CFH: variants seen among roughly 807,000 people sequenced by gnomAD.
CFH encodes complement factor H.
A neutral mutation model predicts 147.3 loss-of-function variants in CFH; 53 were observed. The observed-to-expected ratio is 0.36, with a 90% CI of 0.29 to 0.45. CFH has a LOEUF of 0.45. Ranked by LOEUF, CFH falls within the 20% of genes least tolerant of loss-of-function variation. CFH has a pLI of 1.00. For synonymous variants in CFH, 536 were observed against 489.4 expected (o/e 1.10, Z -1.26); for missense variants, 1,380 against 1,498.0 (o/e 0.92, Z 1.30).
In CFH at chr1:196,736,902, A is replaced by C. The variant is rs1190694391; in HGVS notation, c.2492A>C (p.Asp831Ala). ...HNMTTTLNYR[D>A]GEKVSVLCQE... ...ATGACAACCACACTGAATTATCGGG[A>C]TGGAGAAAAAGTATCTGTTCTTTGC... Residue 831 changes from aspartate (D) to alanine (A), a missense_variant, in exon 16 of 22, where the codon GAT becomes GCT. By Grantham distance (126) the Asp-to-Ala change is moderately radical. Coordinates refer to ENST00000367429, the MANE Select transcript of CFH (RefSeq NM_000186.4). The C allele has an allele frequency of 6.2e-7, 1 of 1,610,322 alleles. No individual in the cohort carries two copies. The highest frequency in any genetic ancestry group is 8.5e-7 in the Non-Finnish European group (1 of 1,177,724).
At chr1:196,704,655 C>A (rs1297260672) in intron 9 of CFH, among the ~76,000 whole-genome samples, 1 of 152,156 alleles carries the variant, frequency 6.6e-6, no homozygotes, top group African/African-American at 2.4e-5. Flanking sequence ...AGTGGCGCTG[C>A]CAAATCTAAA....
chr1:196,688,178 A>G (rs1308452917), intron 7 of CFH, among the ~76,000 whole-genome samples: 3 of 152,012 alleles, frequency 2.0e-5, no homozygotes, highest in Non-Finnish European at 2.9e-5. Context: ...TTTGTTATTG[A>G]AAGTACTAGA....
Position 196,725,193 on chromosome 1 carries a change from G to A in CFH, c.1769G>A (p.Gly590Glu), listed in dbSNP as rs1363263922. 1.2e-6 allele frequency: 2 copies of A among 1,613,838 alleles called. No homozygotes were observed. Among genetic ancestry groups the A allele is most frequent in the South Asian group, 1.1e-5 (1 of 91,064 alleles). The change falls in exon 12 of 22, where the codon GGA becomes GAA. Residue 590 changes from glycine to glutamate, a missense_variant. Physicochemically the swap from Gly to Glu is moderately conservative, Grantham distance 98 (BLOSUM62 -2). Transcript: ENST00000367429. ...PDRKKDQYKV[G>E]EVLKFSCKPG... is the part of the protein sequence containing the mutation. Reference sequence around the variant, plus strand: ...CGCAAGAAAGACCAGTATAAAGTTGGAGAGGTGTTGAAATTCTCCTGCAAA... The same window carrying A: ...CGCAAGAAAGACCAGTATAAAGTTGAAGAGGTGTTGAAATTCTCCTGCAAA...
At chr1:196,686,182 A>G (rs1303386697) in intron 7 of CFH, among the ~76,000 whole-genome samples, 4 of 152,154 alleles carry the variant, frequency 2.6e-5, no homozygotes, top group African/African-American at 9.6e-5. Flanking sequence ...AACATTGGGA[A>G]TTACAATTCA....
At chr1:196,721,101 T>C (rs6682138) in intron 11 of CFH, among the ~76,000 whole-genome samples, 3,052 of 152,094 alleles carry the variant, frequency 0.02, 96 homozygotes, top group African/African-American at 0.069. Context: ...TCATGTCTTC[T>C]TTTGCAAAAT....
rs1667341617 is a variant in CFH, at chr1:196,673,159, T to C, written c.240T>C (p.Cys80=). 2.5e-6 allele frequency: 4 copies of C among 1,612,014 alleles called. No homozygotes were observed. Among genetic ancestry groups the C allele is most frequent in the Non-Finnish European group, 3.4e-6 (4 of 1,178,376 alleles). Residue 80 remains cysteine, a synonymous_variant, in exon 2 of 22, where the codon TGT becomes TGC. Transcript: ENST00000367429. Reference sequence around the variant, plus strand: ...TTGCTCTTAATCCATTAAGGAAATGTCAGAGTAAGTACTTAATACATTTGT... The same window carrying C: ...TTGCTCTTAATCCATTAAGGAAATGCCAGAGTAAGTACTTAATACATTTGT... ...EWVALNPLRK[C]QKRPCGHPGD...
chr1:196,737,853 C>G (rs1003390904), intron 17 of CFH, among the ~76,000 whole-genome samples, 193 bp downstream of exon 17: 1 of 152,078 alleles, frequency 6.6e-6, no homozygotes, highest in African/African-American at 2.4e-5. Context: ...GATAGAGTCA[C>G]TTTGTATTCT....
chr1:196,738,485 C>T (rs1262821849), intron 17 of CFH, among the ~76,000 whole-genome samples: 2 of 152,156 alleles, frequency 1.3e-5, no homozygotes. Context: ...TGGGTAAATG[C>T]TTCCATTCCA....
intron 9 of CFH, among the ~76,000 whole-genome samples, chr1:196,699,163 A>G (rs1456855173): frequency 6.6e-6 from 1 of 152,144 alleles, no homozygotes; most frequent in Non-Finnish European, 1.5e-5. Flanking sequence ...CATACATTGT[A>G]CCTTCACATA....
At chr1:196,746,446 G>A (rs1469627884) in intron 21 of CFH, among the ~76,000 whole-genome samples, 5 of 152,062 alleles carry the variant, frequency 3.3e-5, no homozygotes, top group Non-Finnish European at 7.4e-5. Context: ...GCGAGACTCC[G>A]TCTCAATAAA....
intron 1 of CFH, among the ~76,000 whole-genome samples, chr1:196,661,618 C>T (rs976065164): frequency 6.6e-6 from 1 of 152,204 alleles, no homozygotes. Context: ...TCCACCTTCA[C>T]GACCTAATCA....
intron 9 of CFH, chr1:196,701,539 G>T: frequency 1.6e-6 from 1 of 639,490 alleles, no homozygotes. Context: ...GTGGCTTTGA[G>T]ATTATTAAAC....
chr1:196,737,503 G>T lies in CFH; in HGVS notation c.2625G>T (p.Gln875His). 6.2e-7 allele frequency: 1 copy of T among 1,613,024 alleles called. No homozygotes were observed. The highest frequency in any genetic ancestry group is 8.5e-7 in the Non-Finnish European group (1 of 1,179,384). The change falls in exon 17 of 22, where the codon CAG becomes CAT. Residue 875 changes from glutamine (Q) to histidine (H), a missense_variant. Gln to His is a conservative substitution (Grantham distance 24). Around this residue, in one of 4 missense-constraint regions of CFH, gnomAD observed 830 missense variants for 821.4 expected, o/e 1.01. Transcript: ENST00000367429. The stretch of plus-strand genomic sequence containing the variant: ...AAATTCCATGTTCACAACCACCTCA[G>T]ATAGAACACGGAACCATTAATTCAT... ...VEKIPCSQPPQIEHGTINSSR... is the reference protein window; with the variant it reads ...VEKIPCSQPPHIEHGTINSSR...
chr1:196,696,313 A>G, intron 9 of CFH, among the ~76,000 whole-genome samples: 1 of 152,184 alleles, frequency 6.6e-6, no homozygotes, highest in Non-Finnish European at 1.5e-5. Context: ...AACTCATTCA[A>G]AACTACACAA....
chr1:196,699,278 T>G (rs1668381524), intron 9 of CFH, among the ~76,000 whole-genome samples: 1 of 152,182 alleles, frequency 6.6e-6, no homozygotes, highest in Non-Finnish European at 1.5e-5. Flanking sequence ...GTGATGGTAT[T>G]GCATTCCCTA....
In CFH at chr1:196,726,948, T is replaced by A. The variant is rs7537967; in HGVS notation, c.2236+8T>A. ...AACTTCCCCAGTGTGTGGGTGAGAATACCCTTCTTAAATCAACATTTAACA... is the reference window on the plus strand; with the variant it reads ...AACTTCCCCAGTGTGTGGGTGAGAAAACCCTTCTTAAATCAACATTTAACA... On this transcript the variant is annotated splice_region_variant and intron_variant, in intron 14 of 21. Transcript: ENST00000367429. 4,235 of 1,607,606 alleles carry A rather than the reference T, an allele frequency of 2.6e-3. 86 individuals are homozygous for A. The African/African-American group carries it at 0.046, about 17-fold the overall frequency.
rs1668782969 is a variant in CFH at position 196,713,898 on chromosome 1, A to T, written c.1500A>T (p.Ser500=). 6.2e-7 allele frequency: 1 copy of T among 1,612,600 alleles called. No individual in the cohort carries two copies. Among genetic ancestry groups the T allele is most frequent in the African/African-American group, 1.3e-5 (1 of 74,976 alleles). ...TTACATGTGGGAAAGATGGATGGTC[A>T]GCTCAACCCACGTGCATTAGTAAGT... ...GSITCGKDGW[S]AQPTCIKSCD... The change falls in exon 10 of 22, where the codon TCA becomes TCT. Residue 500 remains serine (S), a synonymous_variant. Coordinates refer to ENST00000367429, the MANE Select transcript of CFH (RefSeq NM_000186.4).
At chr1:196,673,234 C>T in intron 2 of CFH, 71 bp downstream of exon 2, 2 of 1,294,342 alleles carry the variant, frequency 1.5e-6, no homozygotes, top group East Asian at 2.3e-5. Context: ...AATATTGTAG[C>T]AATTATGCCT....
intron 14 of CFH, among the ~76,000 whole-genome samples, chr1:196,727,189 G>A (rs1444566522): frequency 6.6e-6 from 1 of 152,070 alleles, no homozygotes; most frequent in East Asian, 1.9e-4. Flanking sequence ...AAAGTGTGAA[G>A]CAACATTTTA....
Sources: gnomAD v4.1 joint callset for allele counts (sites outside exome capture counted in the v4.1 genomes callset) on GRCh38, gnomAD v4.1.1 for gene constraint, gnomAD v4.1.1 regional missense constraint, MANE v1.5 for transcripts, NCBI Gene and HGNC (gene_info 2026-07-23, HGNC 2026-07-21) for gene names.